The following CMSS1 variants were observed in gnomAD, a reference collection of about 807,000 sequenced individuals.
CMSS1 encodes the protein protein CMSS1.
Under a neutral mutation model 43.5 loss-of-function variants are expected in CMSS1, and 33 were observed. The ratio of observed to expected loss-of-function variants is 0.76; its 90% confidence interval spans 0.57 to 1.01. The LOEUF (loss-of-function observed/expected upper bound fraction) is 1.01, where lower values mean the gene tolerates loss of function less well. Ranked by LOEUF, CMSS1 falls within the 50% of genes least tolerant of loss-of-function variation. The probability of loss-of-function intolerance (pLI) is 0.00; values close to 1 mark genes in which losing one functional copy is unlikely to be tolerated. For missense variants in CMSS1, 313 were observed against 326.4 expected (o/e 0.96, Z 0.32); for synonymous variants, 115 against 117.2 (o/e 0.98, Z 0.12).
chr3:100,139,658 A>G (rs908655288), intron 1 of CMSS1, among the ~76,000 whole-genome samples: 3 of 150,116 alleles, frequency 2.0e-5, no homozygotes, highest in Non-Finnish European at 4.4e-5. Context: ...TTAGCTGGGC[A>G]TGGTGGTGGG....
At chr3:99,895,241 T>C (rs1284944976) in intron 1 of CMSS1, among the ~76,000 whole-genome samples, 3 of 152,218 alleles carry the variant, frequency 2.0e-5, no homozygotes, top group African/African-American at 7.2e-5. Context: ...CATGATAGCA[T>C]GTTCTTTTAG....
chr3:99,964,301 T>G (rs1433277250), intron 1 of CMSS1: 1 of 150,480 alleles, frequency 6.6e-6, no homozygotes, highest in Non-Finnish European at 1.5e-5. Context: ...ACAGTGTCTG[T>G]GTCTAGTTTC....
At chr3:100,149,239 C>T (rs896227173) in intron 2 of CMSS1, among the ~76,000 whole-genome samples, 1 of 152,120 alleles carries the variant, frequency 6.6e-6, no homozygotes, top group South Asian at 2.1e-4. Context: ...ATCCTCACGG[C>T]ATCCCTAGGA....
At chr3:100,100,864 T>C (rs1310333766) in intron 1 of CMSS1, among the ~76,000 whole-genome samples, 1 of 152,130 alleles carries the variant, frequency 6.6e-6, no homozygotes, top group Non-Finnish European at 1.5e-5. Flanking sequence ...TTTCAGGCAG[T>C]TCATGAGGAA....
intron 1 of CMSS1, among the ~76,000 whole-genome samples, chr3:100,051,075 T>C (rs929884025): frequency 1.3e-5 from 2 of 152,188 alleles, no homozygotes; most frequent in Non-Finnish European, 2.9e-5. Flanking sequence ...TTAGTATAAA[T>C]TTATTTTTAA....
At chr3:100,171,727 A>G in intron 6 of CMSS1, 112 bp from the exon 7 acceptor site, 1 of 822,454 alleles carries the variant, frequency 1.2e-6, no homozygotes, top group South Asian at 1.5e-5. Flanking sequence ...ATGCACATAT[A>G]TACACACGTA....
chr3:99,830,541 G>C (rs1301199638), intron 1 of CMSS1: 2 of 456,596 alleles, frequency 4.4e-6, no homozygotes, highest in African/African-American at 4.0e-5. Flanking sequence ...GGAAATCTTG[G>C]TGATGCCTGT....
intron 1 of CMSS1, among the ~76,000 whole-genome samples, chr3:99,965,679 T>C (rs577479520): frequency 1.3e-5 from 2 of 152,296 alleles, no homozygotes; most frequent in East Asian, 3.9e-4. Context: ...CTATGATAAA[T>C]ATCTGAGCCC....
At chr3:100,039,375 ATCTATGATTATATTTC>A (rs2107284964) in intron 1 of CMSS1, among the ~76,000 whole-genome samples, 1 of 152,346 alleles carries the variant, frequency 6.6e-6, no homozygotes, top group East Asian at 1.9e-4. Flanking sequence ...ATGAAATATA[ATCTATGATTATATTTC>A]ACAGTATGTA....
intron 1 of CMSS1, among the ~76,000 whole-genome samples, chr3:100,059,129 A>T (rs796972717): frequency 1.3e-4 from 20 of 152,388 alleles, no homozygotes; most frequent in Admixed American, 3.9e-4. Context: ...TAAAAGAAAG[A>T]ACAGATTGAC....
At chr3:100,157,765 G>T (rs1323089217) in intron 2 of CMSS1, among the ~76,000 whole-genome samples, 1 of 152,242 alleles carries the variant, frequency 6.6e-6, no homozygotes, top group Non-Finnish European at 1.5e-5. Context: ...CAGGCAAGGT[G>T]AAAGGAAGCA....
At chr3:99,902,428 G>A (rs1706466935) in intron 1 of CMSS1, among the ~76,000 whole-genome samples, 2 of 152,126 alleles carry the variant, frequency 1.3e-5, no homozygotes, top group African/African-American at 2.4e-5. Flanking sequence ...TCCATGGGAG[G>A]ACATGAAAAA....
At chr3:99,893,045 A>C (rs1245503525) in intron 1 of CMSS1, among the ~76,000 whole-genome samples, 8 of 152,120 alleles carry the variant, frequency 5.3e-5, no homozygotes, top group Non-Finnish European at 1.5e-5. Context: ...AGATGCAAGC[A>C]TGATGCTCTG....
intron 6 of CMSS1, among the ~76,000 whole-genome samples, chr3:100,170,305 G>A (rs2067099312): frequency 6.6e-6 from 1 of 152,176 alleles, no homozygotes; most frequent in African/African-American, 2.4e-5. Context: ...TGTTAGGTCT[G>A]TCCTCAAATA....
intron 1 of CMSS1, among the ~76,000 whole-genome samples, chr3:100,129,025 C>G (rs775594342): frequency 5.9e-5 from 9 of 152,112 alleles, no homozygotes; most frequent in Non-Finnish European, 1.2e-4. Context: ...GTGTGGGTGC[C>G]ACCACAGTCA....
At chr3:100,031,712 C>T (rs1269272489) in intron 1 of CMSS1, among the ~76,000 whole-genome samples, 2 of 151,982 alleles carry the variant, frequency 1.3e-5, no homozygotes, top group African/African-American at 4.8e-5. Context: ...GACAAGAAGG[C>T]AAAGACAGGG....
At chr3:100,067,958 T>A (rs923365427) in intron 1 of CMSS1, among the ~76,000 whole-genome samples, 1 of 152,170 alleles carries the variant, frequency 6.6e-6, no homozygotes, top group South Asian at 2.1e-4. Context: ...CTTGTGTTAG[T>A]CTGTGTCCCA....
chr3:99,898,091 T>C lies in CMSS1; in HGVS notation c.64+80048T>C, dbSNP rs191397306. 8.0e-4 allele frequency: 122 copies of C among 152,358 alleles called. 1 individual carries two copies. The East Asian group carries it at 0.019, about 23-fold the overall frequency. 9.4% of individuals were successfully genotyped at this position (152,358 alleles called of 1,614,324 possible). ...TTTTTAAATAGGCTTATCTAAGTTA[T>C]TAGACTCTCAAGGAAACTTTCAAAA... is the stretch of plus-strand genomic sequence containing the variant. On this transcript the variant is annotated intron_variant, in intron 1 of 9. Coordinates refer to ENST00000421999, the MANE Select transcript of CMSS1 (RefSeq NM_032359.4).
intron 1 of CMSS1, among the ~76,000 whole-genome samples, chr3:99,927,145 A>G (rs543308089): frequency 2.0e-5 from 3 of 152,312 alleles, no homozygotes; most frequent in African/African-American, 4.8e-5. Flanking sequence ...GCTTTTTTCA[A>G]TGCCAAGACC....
Sources: gnomAD v4.1 joint callset for allele counts (sites outside exome capture counted in the v4.1 genomes callset) on GRCh38, gnomAD v4.1.1 for gene constraint, MANE v1.5 for transcripts, NCBI Gene and HGNC (gene_info 2026-07-23, HGNC 2026-07-21) for gene names.